Variants in ANGPT4 observed in about 807,000 individuals in gnomAD.
ANGPT4 encodes the protein angiopoietin 4.
A neutral mutation model predicts 53.0 loss-of-function variants in ANGPT4; 50 were observed. The ratio of observed to expected loss-of-function variants is 0.94; its 90% CI spans 0.75 to 1.20. The LOEUF (loss-of-function observed/expected upper bound fraction) is 1.20. Among genes scored for constraint, ANGPT4 ranks in the 50% most tolerant of loss-of-function variants. The pLI is 0.00. For missense variants in ANGPT4, 648 were observed against 637.1 expected (o/e 1.02, Z -0.18); for synonymous variants, 251 against 259.7 (o/e 0.97, Z 0.32).
Position 885,341 on chromosome 20 carries a change from C to A in ANGPT4, c.588-16G>T. The A allele has an allele frequency of 6.4e-7, 1 of 1,564,592 alleles. No homozygotes were observed. Among genetic ancestry groups the A allele is most frequent in the Non-Finnish European group, 8.6e-7 (1 of 1,161,528 alleles). On this transcript the variant is annotated splice_polypyrimidine_tract_variant and intron_variant, in intron 3 of 8. Coordinates refer to ENST00000381922, the MANE Select transcript of ANGPT4 (RefSeq NM_015985.4). ...CTCGAGCGCGCTGCGGGGTAGGGGG[C>A]GCACAGAGGTGAGCCTGGCATCCTC...
chr20:899,238 C>T (rs1982180379), intron 1 of ANGPT4, among the ~76,000 whole-genome samples: 1 of 147,850 alleles, frequency 6.8e-6, no homozygotes, highest in African/African-American at 2.6e-5. Flanking sequence ...GCTTTGGTGC[C>T]AACTGGGACA....
At chr20:892,408 C>T (rs530125487) in intron 1 of ANGPT4, among the ~76,000 whole-genome samples, 1 of 152,018 alleles carries the variant, frequency 6.6e-6, no homozygotes, top group Non-Finnish European at 1.5e-5. Flanking sequence ...CCAGCCTGGG[C>T]AACATGGTGA....
At chr20:910,576 T>G (rs550374491) in intron 1 of ANGPT4, among the ~76,000 whole-genome samples, 1 of 152,084 alleles carries the variant, frequency 6.6e-6, no homozygotes, top group South Asian at 2.1e-4. Context: ...GCGGCCAGAG[T>G]CTGACTGGAG....
At chr20:897,728 C>T (rs545758588) in intron 1 of ANGPT4, among the ~76,000 whole-genome samples, 128 of 152,304 alleles carry the variant, frequency 8.4e-4, no homozygotes, top group African/African-American at 2.9e-3. Flanking sequence ...CCCGCTTCTC[C>T]GTGTCTCTAG....
chr20:900,416 T>G (rs2122842032), intron 1 of ANGPT4, among the ~76,000 whole-genome samples: 1 of 152,304 alleles, frequency 6.6e-6, no homozygotes, highest in South Asian at 2.1e-4. Flanking sequence ...GTACTCCTTC[T>G]CATCTTTTTA....
chr20:911,253 T>G lies in ANGPT4; in HGVS notation c.309+4653A>C. ...CTGCCAGGCCGAGGGGCCCAGTTAT[T>G]CTGAGGTTTGATGTCAGAGACCTGG... is the stretch of plus-strand genomic sequence containing the variant. On this transcript the variant is annotated intron_variant, in intron 1 of 8. Coordinates refer to ENST00000381922, the MANE Select transcript of ANGPT4 (RefSeq NM_015985.4). This position sits in a 1 kb window ranked among gnomAD's most constrained non-coding sequence, Gnocchi z 4.9. 6.6e-6 allele frequency among the ~76,000 whole-genome samples: 1 copy of G among 152,180 alleles called. No homozygotes were observed. Among genetic ancestry groups the G allele is most frequent in the Admixed American group, 6.5e-5 (1 of 15,282 alleles).
At chr20:893,242 G>C (rs551440671) in intron 1 of ANGPT4, among the ~76,000 whole-genome samples, 2 of 152,320 alleles carry the variant, frequency 1.3e-5, no homozygotes, top group South Asian at 4.1e-4. Context: ...AGCAGGTCCT[G>C]AGAGTCATTA....
At chr20:890,107 G>A in intron 2 of ANGPT4, 106 bp downstream of exon 2, 1 of 1,387,144 alleles carries the variant, frequency 7.2e-7, no homozygotes, top group Non-Finnish European at 9.8e-7. Context: ...GCCCAGAGGA[G>A]GCCTTGACCC....
chr20:880,996 T>G (rs6108105), intron 5 of ANGPT4, among the ~76,000 whole-genome samples, 175 bp downstream of exon 5: 10,143 of 152,294 alleles, frequency 0.067, 1,072 homozygotes, highest in African/African-American at 0.23. Context: ...CTTTGGGAAC[T>G]TCTGCTTATC....
chr20:907,469 G>T (rs1321079085), intron 1 of ANGPT4, among the ~76,000 whole-genome samples: 1 of 152,214 alleles, frequency 6.6e-6, no homozygotes, highest in African/African-American at 2.4e-5. Flanking sequence ...ATCTTGGGAG[G>T]TGTTTGCGAT....
intron 6 of ANGPT4, among the ~76,000 whole-genome samples, chr20:879,251 C>A (rs575093629): frequency 3.2e-4 from 49 of 152,140 alleles, no homozygotes; most frequent in African/African-American, 1.1e-3. Flanking sequence ...TATTTTAAGT[C>A]AGCTTGGCAA....
chr20:891,957 C>T (rs961198989), intron 1 of ANGPT4, among the ~76,000 whole-genome samples: 15 of 152,110 alleles, frequency 9.9e-5, no homozygotes, highest in African/African-American at 2.7e-4. Flanking sequence ...GGTGCCCAGC[C>T]AACTGTGGTT....
chr20:888,542 C>G (rs1227258044), intron 2 of ANGPT4, 103 bp from the exon 3 acceptor site: 2 of 1,494,048 alleles, frequency 1.3e-6, no homozygotes, highest in Non-Finnish European at 1.8e-6. Context: ...GAAACTTACC[C>G]ATTTCCACTC....
Position 870,241 on chromosome 20 carries a change from G to A in ANGPT4, c.*2719C>T, listed in dbSNP as rs930721915. 2 of 152,316 alleles carry A rather than the reference G, an allele frequency of 1.3e-5. No individual in the cohort carries two copies. The highest frequency in any genetic ancestry group is 4.8e-5 in the African/African-American group (2 of 41,464). The allele number at this position is 152,316 out of a possible 1,614,324, so 9.4% of individuals were successfully genotyped here. A position where few individuals can be genotyped will look rare whatever the true frequency, so the allele number is the denominator to read the frequency against. ...GAAGGATGAATATTTAAGAACAGGT[G>A]TCTGAGGCTGGGTATGGTGGCTCAT... On this transcript the variant is annotated 3_prime_UTR_variant, in exon 9 of 9. Transcript: ENST00000381922.
At chr20:913,920 G>C (rs970444137) in intron 1 of ANGPT4, among the ~76,000 whole-genome samples, 2 of 152,154 alleles carry the variant, frequency 1.3e-5, no homozygotes, top group African/African-American at 4.8e-5. Context: ...AGAAGAGCAG[G>C]GAGTCGTCTC....
At chr20:897,844 A>C (rs1485885773) in intron 1 of ANGPT4, among the ~76,000 whole-genome samples, 2 of 152,074 alleles carry the variant, frequency 1.3e-5, no homozygotes, top group African/African-American at 4.8e-5. Flanking sequence ...TCTTCAACTC[A>C]CACCTGAACT....
At chr20:886,562 A>G (rs1457078406) in intron 3 of ANGPT4, among the ~76,000 whole-genome samples, 1 of 152,250 alleles carries the variant, frequency 6.6e-6, no homozygotes, top group Non-Finnish European at 1.5e-5. Context: ...AAATGTCCTA[A>G]GTCAAAAACT....
At chr20:888,896 T>G (rs114680999) in intron 2 of ANGPT4, among the ~76,000 whole-genome samples, 1 of 152,188 alleles carries the variant, frequency 6.6e-6, no homozygotes, top group Non-Finnish European at 1.5e-5. Flanking sequence ...TCCCATCTCA[T>G]GTAGCGGAAA....
At chr20:883,652 C>A (rs1600047200) in intron 4 of ANGPT4, among the ~76,000 whole-genome samples, 1 of 152,208 alleles carries the variant, frequency 6.6e-6, no homozygotes, top group African/African-American at 2.4e-5. Context: ...GGTGTTTGGG[C>A]AAAAGGTGCC....
Sources: gnomAD v4.1 joint callset for allele counts (sites outside exome capture counted in the v4.1 genomes callset) on GRCh38, gnomAD v4.1.1 for gene constraint, Gnocchi (gnomAD v3.1) non-coding constraint, MANE v1.5 for transcripts, NCBI Gene and HGNC (gene_info 2026-07-23, HGNC 2026-07-21) for gene names.